The following SNX31 variants were observed in gnomAD, a reference collection of about 807,000 sequenced individuals.
SNX31 encodes sorting nexin-31.
A neutral mutation model predicts 65.4 loss-of-function variants in SNX31; 58 were observed. The observed-to-expected ratio is 0.89, with a 90% CI of 0.72 to 1.10. SNX31 has a LOEUF of 1.10. SNX31 is among the 50% of genes least tolerant of loss of function. The pLI is 0.00. For synonymous variants in SNX31, 181 were observed against 190.1 expected (o/e 0.95, Z 0.39); for missense variants, 523 against 529.7 (o/e 0.99, Z 0.12).
chr8:100,645,945 GA>G (rs1819604479), intron 2 of SNX31, among the ~76,000 whole-genome samples: 1 of 152,146 alleles, frequency 6.6e-6, no homozygotes, highest in East Asian at 1.9e-4. Context: ...GAATGATGAT[GA>G]TGATTGAACT....
At chr8:100,643,297 C>T (rs1241553946) in intron 2 of SNX31, among the ~76,000 whole-genome samples, 1 of 152,226 alleles carries the variant, frequency 6.6e-6, no homozygotes, top group Non-Finnish European at 1.5e-5. Context: ...GAGGCCTTTA[C>T]AGGCCAGTTG....
rs1398264056 is a variant in SNX31, at chr8:100,626,569, A to C, written c.321+3758T>G. Reference sequence around the variant, plus strand: ...AAGAAACAAGAACTGGAAATACAACAGATTCGATGAATTCAACTCAGGCCC... The same window carrying C: ...AAGAAACAAGAACTGGAAATACAACCGATTCGATGAATTCAACTCAGGCCC... On this transcript the variant is annotated intron_variant, in intron 4 of 13. Coordinates refer to ENST00000311812, the MANE Select transcript of SNX31 (RefSeq NM_152628.4). This position sits in a 1 kb window ranked among gnomAD's most constrained non-coding sequence, Gnocchi z 4.4. 6.6e-6 allele frequency among the ~76,000 whole-genome samples: 1 copy of C among 152,200 alleles called. No homozygotes were observed. Among genetic ancestry groups the C allele is most frequent in the African/African-American group, 2.4e-5 (1 of 41,436 alleles).
intron 2 of SNX31, among the ~76,000 whole-genome samples, chr8:100,641,624 G>A (rs1461259136): frequency 0.012 from 104 of 8,874 alleles, 1 homozygote; most frequent in African/African-American, 0.062. Flanking sequence ...GCACACACGC[G>A]CATATATATA....
At chr8:100,634,690 A>G (rs981524571) in intron 3 of SNX31, among the ~76,000 whole-genome samples, 1 of 151,832 alleles carries the variant, frequency 6.6e-6, no homozygotes, top group African/African-American at 2.4e-5. Context: ...CAGAGGTTGC[A>G]GTGAGCCAAG....
At chr8:100,641,945 G>C (rs1031892191) in intron 2 of SNX31, among the ~76,000 whole-genome samples, 2 of 151,602 alleles carry the variant, frequency 1.3e-5, no homozygotes, top group African/African-American at 4.8e-5. Context: ...CGGGCTTGGT[G>C]GCAGGTGCCT....
intron 2 of SNX31, among the ~76,000 whole-genome samples, chr8:100,639,035 A>G (rs182614525): frequency 2.0e-4 from 30 of 152,344 alleles, no homozygotes; most frequent in African/African-American, 6.5e-4. Context: ...ATCAACAGCC[A>G]CAAAGTTTTG....
intron 5 of SNX31, among the ~76,000 whole-genome samples, chr8:100,615,904 G>A (rs1363481748): frequency 1.3e-5 from 2 of 152,076 alleles, no homozygotes; most frequent in Non-Finnish European, 2.9e-5. Flanking sequence ...TGAGTAGCTG[G>A]GACTACAGGC....
upstream of SNX31, among the ~76,000 whole-genome samples, chr8:100,651,770 G>A (rs1192846991): frequency 5.9e-5 from 9 of 152,198 alleles, no homozygotes; most frequent in Admixed American, 5.2e-4. Context: ...GCCTGAAGTA[G>A]GTACTGATAT....
chr8:100,649,656 G>T lies in SNX31; in HGVS notation c.-142C>A, dbSNP rs1025856163. 9.4e-6 allele frequency: 7 copies of T among 746,898 alleles called. No individual in the cohort carries two copies. In the South Asian group the frequency reaches 1.2e-4, roughly 13 times the overall value. The allele number at this position is 746,898 out of a possible 1,614,324, so 46.3% of individuals were successfully genotyped here. A position where few individuals can be genotyped will look rare whatever the true frequency, so the allele number is the denominator to read the frequency against. ...ACCCCGGCGCCCGCTCTCGCCGGCCGGGGACATCTACAGGTGGGGCCGGGG... is the reference window on the plus strand; with the variant it reads ...ACCCCGGCGCCCGCTCTCGCCGGCCTGGGACATCTACAGGTGGGGCCGGGG... On this transcript the variant is annotated 5_prime_UTR_variant, in exon 1 of 14. Transcript: ENST00000311812.
At chr8:100,618,179 A>C (rs761423065) in intron 4 of SNX31, 58 of 981,166 alleles carry the variant, frequency 5.9e-5, no homozygotes, top group Non-Finnish European at 6.8e-5. Flanking sequence ...AAGTGCAGAG[A>C]TTGGAAGGGT....
chr8:100,656,801 A>G (rs1423480518), intron 1 of SNX31, among the ~76,000 whole-genome samples: 5 of 152,188 alleles, frequency 3.3e-5, no homozygotes, highest in Non-Finnish European at 7.3e-5. Context: ...AATGTGTTGC[A>G]AAGTTTGGCT....
At chr8:100,606,323 C>A (rs1228724716) in intron 8 of SNX31, among the ~76,000 whole-genome samples, 1 of 152,180 alleles carries the variant, frequency 6.6e-6, no homozygotes, top group Non-Finnish European at 1.5e-5. Context: ...GTGTGTGTCC[C>A]CGTTTCCAGG....
At chr8:100,592,878 T>C (rs1814709407) in intron 10 of SNX31, among the ~76,000 whole-genome samples, 1 of 152,204 alleles carries the variant, frequency 6.6e-6, no homozygotes, top group Non-Finnish European at 1.5e-5. Flanking sequence ...GGATCACATA[T>C]TATATGATTC....
intron 8 of SNX31, among the ~76,000 whole-genome samples, chr8:100,600,810 C>A (rs1389329695): frequency 6.6e-6 from 1 of 151,926 alleles, no homozygotes; most frequent in Non-Finnish European, 1.5e-5. Context: ...AACAAAATGT[C>A]ATAATGAAGA....
At chr8:100,649,947 G>A (rs996124139), upstream of SNX31, among the ~76,000 whole-genome samples, 1 of 152,304 alleles carries the variant, frequency 6.6e-6, no homozygotes. Context: ...AGTTATGTTT[G>A]GTCAGTTTTT....
Position 100,588,618 on chromosome 8 carries a change from C to T in SNX31, c.1092+248G>A, listed in dbSNP as rs1423535095. Reference sequence around the variant, plus strand: ...AAAGTCTATGGACTCCTGGTCTAAGCCACTGTTGGTTGAATCTTCTATTAA... The same window carrying T: ...AAAGTCTATGGACTCCTGGTCTAAGTCACTGTTGGTTGAATCTTCTATTAA... On this transcript the variant is annotated intron_variant, in intron 11 of 13. Coordinates refer to ENST00000311812, the MANE Select transcript of SNX31 (RefSeq NM_152628.4). This position sits in a 1 kb window ranked among gnomAD's most constrained non-coding sequence, Gnocchi z 4.8. 6.6e-6 allele frequency among the ~76,000 whole-genome samples: 1 copy of T among 152,174 alleles called. No individual in the cohort carries two copies. Among genetic ancestry groups the T allele is most frequent in the Non-Finnish European group, 1.5e-5 (1 of 68,040 alleles).
At position 100,614,895 on chromosome 8, in the gene SNX31, A is replaced by C. The variant is rs1346701823; in HGVS notation, c.433-1810T>G. On this transcript the variant is annotated intron_variant, in intron 5 of 13. Coordinates refer to ENST00000311812, the MANE Select transcript of SNX31 (RefSeq NM_152628.4). This position sits in a 1 kb window ranked among gnomAD's most constrained non-coding sequence, Gnocchi z 5.1. ...ACTCCATTTCAAAACAACAACCAAA[A>C]AAGAGACCATTGAAAAGTAAAAGGC... Among the ~76,000 whole-genome samples, 4 of 152,188 alleles carry C rather than the reference A, an allele frequency of 2.6e-5. No homozygotes were observed. Among genetic ancestry groups the C allele is most frequent in the Admixed American group, 2.6e-4 (4 of 15,266 alleles).
intron 4 of SNX31, among the ~76,000 whole-genome samples, chr8:100,628,524 G>A (rs1400697413): frequency 2.6e-5 from 4 of 151,692 alleles, no homozygotes; most frequent in African/African-American, 9.7e-5. Context: ...CTCACTCATA[G>A]GTGGGAATTG....
intron 9 of SNX31, among the ~76,000 whole-genome samples, chr8:100,599,772 G>C (rs1054880609): frequency 6.6e-6 from 1 of 152,232 alleles, no homozygotes. Flanking sequence ...TCGCTGCTTG[G>C]GGGCAGGAGG....
Sources: allele counts gnomAD v4.1 joint callset (sites outside exome capture counted in the v4.1 genomes callset), GRCh38; gene constraint gnomAD v4.1.1; non-coding constraint Gnocchi (gnomAD v3.1); transcripts MANE v1.5; gene names NCBI Gene and HGNC (gene_info 2026-07-23, HGNC 2026-07-21).